KLHL3: variants seen among roughly 807,000 people sequenced by gnomAD.
KLHL3 encodes kelch-like protein 3.
Under a neutral mutation model 70.5 loss-of-function variants are expected in KLHL3, and 19 were observed. The observed-to-expected ratio is 0.27, with a 90% CI of 0.19 to 0.40. The LOEUF (loss-of-function observed/expected upper bound fraction) is 0.40, where lower values mean the gene tolerates loss of function less well. KLHL3 is among the 10% of genes least tolerant of loss of function. The pLI, the probability that KLHL3 is intolerant of heterozygous loss-of-function variation, is 1.00. For missense variants in KLHL3, 512 were observed against 771.1 expected (o/e 0.66, Z 3.98); for synonymous variants, 258 against 290.3 (o/e 0.89, Z 1.13).
intron 6 of KLHL3, among the ~76,000 whole-genome samples, chr5:137,665,244 ATAAT>A (rs1751585695): frequency 6.6e-6 from 1 of 152,222 alleles, no homozygotes; most frequent in Admixed American, 6.5e-5. Context: ...TGCATAAACC[ATAAT>A]TAGATTATGG....
chr5:137,624,557 T>C (rs1387827663), intron 14 of KLHL3, among the ~76,000 whole-genome samples: 1 of 152,250 alleles, frequency 6.6e-6, no homozygotes, highest in Non-Finnish European at 1.5e-5. Flanking sequence ...AAGAATGTGC[T>C]GCAAACTCCT....
intron 10 of KLHL3, 78 bp from the exon 11 acceptor site, chr5:137,637,473 AG>A (rs1387561990): frequency 1.6e-6 from 2 of 1,283,588 alleles, no homozygotes; most frequent in East Asian, 2.4e-5. Flanking sequence ...AGGATGGGGG[AG>A]GAGTCCAAAT....
intron 5 of KLHL3, among the ~76,000 whole-genome samples, chr5:137,690,076 C>G (rs571699931): frequency 6.6e-6 from 1 of 152,336 alleles, no homozygotes; most frequent in South Asian, 2.1e-4. Context: ...GCCTGTAATC[C>G]CAGCACTTTG....
chr5:137,690,103 G>A (rs1380407202), intron 5 of KLHL3, among the ~76,000 whole-genome samples: 5 of 152,270 alleles, frequency 3.3e-5, no homozygotes, highest in Admixed American at 1.3e-4. Context: ...TGAGGCAGGC[G>A]GATCACAAGG....
intron 8 of KLHL3, among the ~76,000 whole-genome samples, chr5:137,655,263 G>T (rs1751308880): frequency 6.6e-6 from 1 of 152,172 alleles, no homozygotes; most frequent in Non-Finnish European, 1.5e-5. Flanking sequence ...TGGAAATTTA[G>T]ATCATAATAA....
chr5:137,704,437 C>T (rs560273769), intron 3 of KLHL3, among the ~76,000 whole-genome samples: 1 of 152,272 alleles, frequency 6.6e-6, no homozygotes, highest in East Asian at 1.9e-4. Flanking sequence ...ACTCCAAAGC[C>T]CTTTCCAAGA....
At chr5:137,724,554 C>T (rs1309697502) in intron 1 of KLHL3, among the ~76,000 whole-genome samples, 3 of 152,118 alleles carry the variant, frequency 2.0e-5, no homozygotes, top group Non-Finnish European at 4.4e-5. Context: ...CTAGAGCCTC[C>T]GTAAAAGAGC....
chr5:137,684,491 G>T (rs180933694), intron 5 of KLHL3, among the ~76,000 whole-genome samples: 1 of 152,086 alleles, frequency 6.6e-6, no homozygotes, highest in Admixed American at 6.5e-5. Context: ...CTCTCCATAA[G>T]CACGTGAAAT....
intron 10 of KLHL3, among the ~76,000 whole-genome samples, chr5:137,638,570 G>C (rs528971541): frequency 6.6e-6 from 1 of 152,326 alleles, no homozygotes; most frequent in Admixed American, 6.5e-5. Flanking sequence ...TGCATGACCT[G>C]AGCCAGGTCT....
intron 5 of KLHL3, among the ~76,000 whole-genome samples, chr5:137,680,855 T>A (rs1277130428): frequency 1.3e-5 from 2 of 152,114 alleles, no homozygotes; most frequent in African/African-American, 4.8e-5. Context: ...CACCACTCTT[T>A]AACAGAGAAG....
At chr5:137,664,862 C>T (rs981706282) in intron 6 of KLHL3, among the ~76,000 whole-genome samples, 16 of 151,740 alleles carry the variant, frequency 1.1e-4, no homozygotes, top group African/African-American at 3.9e-4. Flanking sequence ...GAAAGAGTCA[C>T]AATTCTCAAA....
rs201519598 is a variant in KLHL3 at position 137,712,156 on chromosome 5, C to CAAA, written c.135-2303_135-2301dup. Among the ~76,000 whole-genome samples, 33 of 74,864 alleles carry CAAA rather than the reference C, an allele frequency of 4.4e-4. 1 individual carries two copies. The highest frequency in any genetic ancestry group is 1.4e-3 in the African/African-American group (26 of 18,356). 49.1% of individuals were successfully genotyped at this position (74,864 alleles called of 152,430 possible). On this transcript the variant is annotated intron_variant, in intron 2 of 14. Coordinates refer to ENST00000309755, the MANE Select transcript of KLHL3 (RefSeq NM_017415.3). ...CCTGGGTGACAGAGCAAGATTCTGT[C>CAAA]AAAAAAAAAAAAAAAAAAAAAAAAA...
chr5:137,628,661 T>C (rs966716624), intron 12 of KLHL3: 7 of 434,532 alleles, frequency 1.6e-5, no homozygotes, highest in East Asian at 3.6e-5. Flanking sequence ...ATAATGCAAA[T>C]GTGACCCAAA....
chr5:137,661,380 C>T (rs1751470516), intron 7 of KLHL3: 1 of 152,190 alleles, frequency 6.6e-6, no homozygotes, highest in Non-Finnish European at 1.5e-5. Context: ...TTTTTCTTTC[C>T]TTTTCAGAGG....
intron 2 of KLHL3, among the ~76,000 whole-genome samples, chr5:137,714,825 A>T (rs1254849854): frequency 6.6e-6 from 1 of 152,276 alleles, no homozygotes; most frequent in African/African-American, 2.4e-5. Flanking sequence ...AAAGAAAAAC[A>T]GAAAGCAATA....
At chr5:137,657,909 T>C (rs1751381664) in intron 8 of KLHL3, among the ~76,000 whole-genome samples, 1 of 152,182 alleles carries the variant, frequency 6.6e-6, no homozygotes, top group African/African-American at 2.4e-5. Context: ...CAAACCTCCC[T>C]GATGACATTG....
Position 137,735,875 on chromosome 5 carries a change from C to A in KLHL3, c.-229G>T, listed in dbSNP as rs1753253256. The stretch of plus-strand genomic sequence containing the variant: ...ACAGAAAATGTCTTACCCAGAGCTC[C>A]CTGCAGCCCTTTCAGCTGCTAAAAG... On this transcript the variant is annotated 5_prime_UTR_variant, in exon 1 of 15. Transcript: ENST00000309755. 9.9e-6 allele frequency: 6 copies of A among 606,468 alleles called. No homozygotes were observed. Among genetic ancestry groups the A allele is most frequent in the Non-Finnish European group, 1.8e-5 (6 of 335,434 alleles). The allele number at this position is 606,468 out of a possible 1,614,324, so 37.6% of individuals were successfully genotyped here. A position where few individuals can be genotyped will look rare whatever the true frequency, so the allele number is the denominator to read the frequency against.
intron 2 of KLHL3, among the ~76,000 whole-genome samples, chr5:137,713,931 T>C (rs1344930246): frequency 6.6e-6 from 1 of 152,172 alleles, no homozygotes; most frequent in Non-Finnish European, 1.5e-5. Flanking sequence ...ACGTGCAGGT[T>C]TGTTACATAT....
intron 6 of KLHL3, among the ~76,000 whole-genome samples, chr5:137,672,349 T>C (rs1336028263): frequency 6.6e-6 from 1 of 152,180 alleles, no homozygotes; most frequent in Non-Finnish European, 1.5e-5. Flanking sequence ...CAGAAGGGCA[T>C]GGAACACCAA....
Sources: allele counts gnomAD v4.1 joint callset (sites outside exome capture counted in the v4.1 genomes callset), GRCh38; gene constraint gnomAD v4.1.1; transcripts MANE v1.5; gene names NCBI Gene and HGNC (gene_info 2026-07-23, HGNC 2026-07-21).